The following PDS5B variants were observed in gnomAD, a reference collection of about 807,000 sequenced individuals.
PDS5B encodes the protein sister chromatid cohesion protein PDS5 homolog B.
Under a neutral mutation model 184.1 loss-of-function variants are expected in PDS5B, and 51 were observed. The ratio of observed to expected loss-of-function variants is 0.28; its 90% CI spans 0.22 to 0.35. The LOEUF is 0.35. Among genes scored for constraint, PDS5B ranks in the 10% least tolerant of loss-of-function variants. The pLI, the probability that PDS5B is intolerant of heterozygous loss-of-function variation, is 1.00. For missense variants in PDS5B, 1,180 were observed against 1,723.3 expected (o/e 0.68, Z 5.58); for synonymous variants, 566 against 569.2 (o/e 0.99, Z 0.08).
rs778087280 is a variant in PDS5B at position 32,732,094 on chromosome 13, T to G, written c.2124-7T>G. ...TTTATTGTTTTTCTTTGATTTTTTT[T>G]TAATAGAGCCTTGCTTCCTGTTTTA... is the stretch of plus-strand genomic sequence containing the variant. On this transcript the variant is annotated splice_region_variant and splice_polypyrimidine_tract_variant and intron_variant, in intron 19 of 34. Coordinates refer to ENST00000315596, the MANE Select transcript of PDS5B (RefSeq NM_015032.4). The G allele has an allele frequency of 6.3e-7, 1 of 1,596,264 alleles. No homozygotes were observed. Among genetic ancestry groups the G allele is most frequent in the South Asian group, 1.1e-5 (1 of 87,646 alleles).
At chr13:32,707,402 T>C (rs1952060409) in intron 18 of PDS5B, among the ~76,000 whole-genome samples, 1 of 152,032 alleles carries the variant, frequency 6.6e-6, no homozygotes, top group African/African-American at 2.4e-5. Context: ...AAAATATTAA[T>C]TCATTATTGA....
rs994054571 is a variant in PDS5B at position 32,686,991 on chromosome 13, A to G, written c.1204-143A>G. ...AGTTGTGTTTTTTTTTAATAAATGTAGTAATTATAAATTGATATTTAGTAT... is the reference window on the plus strand; with the variant it reads ...AGTTGTGTTTTTTTTTAATAAATGTGGTAATTATAAATTGATATTTAGTAT... On this transcript the variant is annotated intron_variant, in intron 11 of 34. Coordinates refer to ENST00000315596, the MANE Select transcript of PDS5B (RefSeq NM_015032.4). 5 of 605,532 alleles carry G rather than the reference A, an allele frequency of 8.3e-6. No individual in the cohort carries two copies. In the East Asian group the frequency reaches 1.6e-4, roughly 19 times the overall value. 37.5% of individuals were successfully genotyped at this position (605,532 alleles called of 1,614,324 possible). A position where few individuals can be genotyped will look rare whatever the true frequency, so the allele number is the denominator to read the frequency against.
chr13:32,770,640 C>T lies in PDS5B; in HGVS notation c.4065-14C>T. On this transcript the variant is annotated splice_polypyrimidine_tract_variant and intron_variant, in intron 32 of 34. Transcript: ENST00000315596. The stretch of plus-strand genomic sequence containing the variant: ...AATTTGATGCTATCCACATTTGGGT[C>T]TTCCCCAAAGCAGAGCAGAATCTCC... 6.2e-7 allele frequency: 1 copy of T among 1,602,332 alleles called. No individual in the cohort carries two copies. The highest frequency in any genetic ancestry group is 8.5e-7 in the Non-Finnish European group (1 of 1,175,242).
rs61392381 is a variant in PDS5B at position 32,648,987 on chromosome 13, C to T, written c.108+107C>T. On this transcript the variant is annotated intron_variant, in intron 2 of 34. Transcript: ENST00000315596. Reference sequence around the variant, plus strand: ...GTTGGGGTAACTTAAAAAAGCAAAGCAAAGCAGCAAATGGCATAGAAAAGA... The same window carrying T: ...GTTGGGGTAACTTAAAAAAGCAAAGTAAAGCAGCAAATGGCATAGAAAAGA... 3.9e-3 allele frequency: 2,704 copies of T among 691,388 alleles called. 59 individuals carry two copies. The African/African-American group carries it at 0.043, about 11-fold the overall frequency. The allele number at this position is 691,388 out of a possible 1,614,324, so 42.8% of individuals were successfully genotyped here.
At chr13:32,629,495 C>G (rs1555291286) in intron 1 of PDS5B, among the ~76,000 whole-genome samples, 1 of 152,164 alleles carries the variant, frequency 6.6e-6, no homozygotes, top group Non-Finnish European at 1.5e-5. Flanking sequence ...GTGGTTAAAA[C>G]TCACTTCTGT....
chr13:32,724,155 T>C (rs889503679), intron 19 of PDS5B, among the ~76,000 whole-genome samples: 1 of 152,224 alleles, frequency 6.6e-6, no homozygotes, highest in East Asian at 1.9e-4. Context: ...CTTGGTCTGT[T>C]GCCCAGACTG....
chr13:32,598,736 A>T (rs1249574215), intron 1 of PDS5B, among the ~76,000 whole-genome samples: 2 of 149,062 alleles, frequency 1.3e-5, no homozygotes, highest in Admixed American at 1.3e-4. Flanking sequence ...TTTTTGCTGG[A>T]TATAGAATTC....
intron 33 of PDS5B, 150 bp downstream of exon 33, chr13:32,770,911 G>A (rs1163941871): frequency 1.9e-5 from 12 of 629,248 alleles, no homozygotes; most frequent in Non-Finnish European, 3.4e-5. Context: ...TTACCTTAGT[G>A]ATTGATATCT....
At chr13:32,610,164 T>G (rs954237226) in intron 1 of PDS5B, among the ~76,000 whole-genome samples, 44 of 152,308 alleles carry the variant, frequency 2.9e-4, no homozygotes, top group African/African-American at 1.0e-3. Flanking sequence ...ATCAGTGGAT[T>G]AGATCATCAG....
At chr13:32,746,389 G>C (rs1953743875) in intron 24 of PDS5B, among the ~76,000 whole-genome samples, 1 of 152,184 alleles carries the variant, frequency 6.6e-6, no homozygotes, top group African/African-American at 2.4e-5. Flanking sequence ...TCACAGAATA[G>C]ATTCCTTCAA....
intron 23 of PDS5B, among the ~76,000 whole-genome samples, chr13:32,745,670 T>C (rs2035479753): frequency 6.6e-6 from 1 of 152,150 alleles, no homozygotes; most frequent in South Asian, 2.1e-4. Flanking sequence ...GACTGCTGAC[T>C]TCTTGCTGTG....
chr13:32,595,946 T>G (rs1175160814), intron 1 of PDS5B, among the ~76,000 whole-genome samples: 3 of 152,218 alleles, frequency 2.0e-5, no homozygotes, highest in Admixed American at 1.3e-4. Context: ...TTGTAGATGA[T>G]GAATATTTAT....
At chr13:32,710,244 A>T in intron 19 of PDS5B, 138 bp downstream of exon 19, 1 of 532,270 alleles carries the variant, frequency 1.9e-6, no homozygotes, top group African/African-American at 1.9e-5. Flanking sequence ...TTCAGTTTAG[A>T]TTCTCCTTTC....
At chr13:32,684,598 T>C (rs1749879138) in intron 11 of PDS5B, among the ~76,000 whole-genome samples, 1 of 152,212 alleles carries the variant, frequency 6.6e-6, no homozygotes, top group South Asian at 2.1e-4. Flanking sequence ...GTTATGTTTG[T>C]GTTTCATACT....
chr13:32,680,677 A>T (rs1056066834), intron 10 of PDS5B, among the ~76,000 whole-genome samples: 1 of 152,216 alleles, frequency 6.6e-6, no homozygotes, highest in African/African-American at 2.4e-5. Flanking sequence ...TTTCTCAAAC[A>T]GCCTTCACCC....
chr13:32,729,479 G>A (rs370193608), intron 19 of PDS5B, among the ~76,000 whole-genome samples: 24 of 152,234 alleles, frequency 1.6e-4, no homozygotes, highest in African/African-American at 5.3e-4. Context: ...GGATTGCTGG[G>A]TCAAGTGGTA....
chr13:32,713,080 T>C (rs1316604735), intron 19 of PDS5B, among the ~76,000 whole-genome samples: 2 of 152,142 alleles, frequency 1.3e-5, no homozygotes, highest in African/African-American at 4.8e-5. Context: ...TACCCATAGC[T>C]CAAGTGACTG....
At chr13:32,705,125 G>T (rs183977329) in intron 17 of PDS5B, among the ~76,000 whole-genome samples, 222 of 152,024 alleles carry the variant, frequency 1.5e-3, no homozygotes, top group Middle Eastern at 3.4e-3. Flanking sequence ...TCTTGTTGTG[G>T]CCTTTTTTTG....
At chr13:32,761,955 C>T (rs1256010830) in intron 30 of PDS5B, among the ~76,000 whole-genome samples, 1 of 152,136 alleles carries the variant, frequency 6.6e-6, no homozygotes, top group African/African-American at 2.4e-5. Context: ...TCTCTGCAGC[C>T]TCACCAGCAT....
Sources: gnomAD v4.1 joint callset for allele counts (sites outside exome capture counted in the v4.1 genomes callset) on GRCh38, gnomAD v4.1.1 for gene constraint, MANE v1.5 for transcripts, NCBI Gene and HGNC (gene_info 2026-07-23, HGNC 2026-07-21) for gene names.